The following OPRM1 variants were observed in gnomAD, a reference collection of about 807,000 sequenced individuals.
The protein encoded by OPRM1 is opioid receptor mu 1, also known as mu-type opioid receptor.
Under a neutral mutation model 31.8 loss-of-function variants are expected in OPRM1, and 27 were observed. The ratio of observed to expected loss-of-function variants is 0.85; its 90% confidence interval spans 0.63 to 1.17. The LOEUF is 1.17. Ranked by LOEUF, OPRM1 falls within the 50% of genes most tolerant of loss-of-function variation. The pLI is 0.00. For missense variants in OPRM1, 536 were observed against 511.1 expected, an observed-to-expected ratio of 1.05 and a Z score of -0.47; for synonymous variants, 196 against 189.9, an observed-to-expected ratio of 1.03 and a Z score of -0.26.
chr6:154,133,973 G>A (rs1319123513), downstream of OPRM1, among the ~76,000 whole-genome samples: 1 of 152,242 alleles, frequency 6.6e-6, no homozygotes, highest in East Asian at 1.9e-4. Flanking sequence ...CTGGGACATA[G>A]GGTTTGAAAG....
intron 3 of OPRM1, among the ~76,000 whole-genome samples, chr6:154,234,143 G>A (rs1245424762): frequency 1.3e-5 from 2 of 152,152 alleles, no homozygotes; most frequent in African/African-American, 4.8e-5. Flanking sequence ...AGGAGTTTGA[G>A]GTTGTGGTGA....
intron 3 of OPRM1, among the ~76,000 whole-genome samples, chr6:154,099,635 A>G (rs1371564322): frequency 6.6e-6 from 1 of 150,394 alleles, no homozygotes; most frequent in Admixed American, 6.6e-5. Context: ...ATACACATAT[A>G]TACACACATA....
intron 3 of OPRM1, among the ~76,000 whole-genome samples, chr6:154,161,314 G>A (rs1040988044): frequency 2.0e-5 from 3 of 151,148 alleles, no homozygotes; most frequent in Middle Eastern, 3.4e-3. Flanking sequence ...AGGTTCAAGC[G>A]ATTCTCCTGC....
intron 3 of OPRM1, among the ~76,000 whole-genome samples, chr6:154,240,160 A>G (rs1780464793): frequency 6.6e-6 from 1 of 152,252 alleles, no homozygotes; most frequent in South Asian, 2.1e-4. Flanking sequence ...AATAATGCTC[A>G]ATTTAATTAG....
At position 154,233,121 on chromosome 6, in the gene OPRM1, G is replaced by A. The variant is rs986944405; in HGVS notation, c.1165-13572G>A. Among the ~76,000 whole-genome samples the A allele has an allele frequency of 3.9e-5, 6 of 151,924 alleles. No individual in the cohort carries two copies. In the East Asian group the frequency reaches 5.8e-4, roughly 15 times the overall value. On this transcript the variant is annotated intron_variant, in intron 3 of 3. Transcript: ENST00000337049. ...GTAGCTGGGGTTACAGGCATGTGCC[G>A]CCACGCCCAGCTAATTTTTGTATTT...
intron 1 of OPRM1, among the ~76,000 whole-genome samples, chr6:154,015,616 C>T (rs1351917457): frequency 1.3e-5 from 2 of 151,544 alleles, no homozygotes; most frequent in South Asian, 2.1e-4. Context: ...CGCTACTACT[C>T]GAAGTCCAGA....
At chr6:154,194,623 C>G (rs1221278449) in intron 3 of OPRM1, among the ~76,000 whole-genome samples, 1 of 152,132 alleles carries the variant, frequency 6.6e-6, no homozygotes, top group Non-Finnish European at 1.5e-5. Context: ...ACCTTTGCCC[C>G]AGTGACTTCC....
At chr6:154,238,351 G>T (rs1455348690) in intron 3 of OPRM1, among the ~76,000 whole-genome samples, 2 of 152,062 alleles carry the variant, frequency 1.3e-5, no homozygotes, top group African/African-American at 4.8e-5. Flanking sequence ...TGCCTCCCAG[G>T]TTCAAGCGAT....
chr6:154,020,544 G>A (rs1419659571), intron 1 of OPRM1, among the ~76,000 whole-genome samples: 2 of 152,180 alleles, frequency 1.3e-5, no homozygotes, highest in Non-Finnish European at 2.9e-5. Flanking sequence ...AAGAAGGTTT[G>A]TTTGAGAAAC....
At chr6:154,173,726 G>T (rs914200567) in intron 3 of OPRM1, among the ~76,000 whole-genome samples, 3 of 152,080 alleles carry the variant, frequency 2.0e-5, no homozygotes, top group African/African-American at 7.2e-5. Flanking sequence ...GGGGAGAATG[G>T]GACCAAATTG....
intron 3 of OPRM1, among the ~76,000 whole-genome samples, chr6:154,203,396 G>A (rs1562539255): frequency 6.6e-6 from 1 of 152,102 alleles, no homozygotes; most frequent in Non-Finnish European, 1.5e-5. Flanking sequence ...TTACACAGTT[G>A]TCCCTTGAAC....
chr6:154,113,207 T>A (rs1408245523), intron 3 of OPRM1, among the ~76,000 whole-genome samples: 1 of 152,206 alleles, frequency 6.6e-6, no homozygotes. Context: ...GTAGCTAAAC[T>A]TAAGAATAGG....
At chr6:154,115,793 T>G (rs1309532249) in intron 3 of OPRM1, among the ~76,000 whole-genome samples, 1 of 152,250 alleles carries the variant, frequency 6.6e-6, no homozygotes, top group Non-Finnish European at 1.5e-5. Context: ...CAAAGGAATC[T>G]GTTTCTATAA....
chr6:154,140,274 G>A (rs1172337101), intron 3 of OPRM1, among the ~76,000 whole-genome samples: 1 of 151,906 alleles, frequency 6.6e-6, no homozygotes, highest in African/African-American at 2.4e-5. Context: ...CCTGACCTAT[G>A]GTTTATTTCA....
At chr6:154,094,039 T>C (rs1792902820) in intron 3 of OPRM1, among the ~76,000 whole-genome samples, 1 of 152,248 alleles carries the variant, frequency 6.6e-6, no homozygotes, top group African/African-American at 2.4e-5. Context: ...ACCCATCATG[T>C]TGGAAAACAA....
intron 3 of OPRM1, among the ~76,000 whole-genome samples, chr6:154,138,070 A>G (rs1249829787): frequency 6.6e-6 from 1 of 152,252 alleles, no homozygotes; most frequent in Non-Finnish European, 1.5e-5. Context: ...AAATCAAGCC[A>G]GCATCTACAA....
chr6:154,131,541 C>T lies in OPRM1; in HGVS notation c.*12820C>T, dbSNP rs1399691510. On this transcript the variant is annotated 3_prime_UTR_variant, in exon 4 of 4. Coordinates refer to ENST00000330432, the MANE Select transcript of OPRM1 (RefSeq NM_000914.5). ...AAAGATAGACCCCTGCTGCTCTGCA[C>T]GTAGATTCAGTTTGTATGCCAGGGT... Among the ~76,000 whole-genome samples the T allele has an allele frequency of 3.3e-5, 5 of 152,270 alleles. No homozygotes were observed. Among genetic ancestry groups the T allele is most frequent in the East Asian group, 3.9e-4 (2 of 5,180 alleles).
At chr6:154,191,064 A>G (rs931312392) in intron 3 of OPRM1, among the ~76,000 whole-genome samples, 1 of 152,110 alleles carries the variant, frequency 6.6e-6, no homozygotes, top group Non-Finnish European at 1.5e-5. Context: ...TCAAAAAAAG[A>G]AAAAGTGACC....
intron 1 of OPRM1, among the ~76,000 whole-genome samples, chr6:154,048,533 C>T (rs1781597418): frequency 6.6e-6 from 1 of 152,170 alleles, no homozygotes. Context: ...ATATCTATCT[C>T]TTTGTGTTTA....
Sources: allele counts gnomAD v4.1 joint callset (sites outside exome capture counted in the v4.1 genomes callset), GRCh38; gene constraint gnomAD v4.1.1; transcripts MANE v1.5; gene names NCBI Gene and HGNC (gene_info 2026-07-23, HGNC 2026-07-21).